ZNF782: variants seen among roughly 807,000 people sequenced by gnomAD.
The protein encoded by ZNF782 is zinc finger protein 782.
A neutral mutation model predicts 13.0 loss-of-function variants in ZNF782; 12 were observed. That is an observed-to-expected ratio of 0.92 (90% confidence interval 0.59 to 1.50). The LOEUF is 1.50. ZNF782 is among the 40% of genes most tolerant of loss of function. The pLI is 0.00. For missense variants in ZNF782, 770 were observed against 822.9 expected (o/e 0.94, Z 0.79); for synonymous variants, 284 against 283.0 (o/e 1.00, Z -0.04).
At chr9:96,886,675 G>T in the ZNF782 span, among the ~76,000 whole-genome samples, 2 of 151,858 alleles carry the variant, frequency 1.3e-5, no homozygotes, top group Non-Finnish European at 2.9e-5. Context: ...GTAATCCCAG[G>T]ACTTTGGGAG....
chr9:96,844,095 A>G (rs988400035), intron 4 of ZNF782, among the ~76,000 whole-genome samples: 3 of 152,242 alleles, frequency 2.0e-5, no homozygotes, highest in Admixed American at 1.3e-4. Context: ...AATTTTCCAA[A>G]TAATGGTAAC....
In ZNF782 at chr9:96,850,333, T is replaced by C. The variant is rs1851452420; in HGVS notation, c.15+1614A>G. ...AATACTACTCAGCCATAAAAAGGAA[T>C]GAAATAATGTCTTTTGCAGCAACTT... On this transcript the variant is annotated intron_variant, in intron 3 of 5. Transcript: ENST00000481138. This position sits in a 1 kb window ranked among gnomAD's most constrained non-coding sequence, Gnocchi z 4.3. Among the ~76,000 whole-genome samples, 1 of 152,172 alleles carries C rather than the reference T, an allele frequency of 6.6e-6. No homozygotes were observed. Among genetic ancestry groups the C allele is most frequent in the Admixed American group, 6.5e-5 (1 of 15,268 alleles).
At chr9:96,872,031 G>T (rs879008445) in intron 1 of ZNF782, among the ~76,000 whole-genome samples, 1 of 152,044 alleles carries the variant, frequency 6.6e-6, no homozygotes, top group African/African-American at 2.4e-5. Flanking sequence ...TTATTATCCC[G>T]CATGTTAACC....
chr9:96,861,800 G>A (rs927893813), intron 1 of ZNF782, among the ~76,000 whole-genome samples: 7 of 152,142 alleles, frequency 4.6e-5, no homozygotes, highest in Admixed American at 3.9e-4. Flanking sequence ...GGTAACCATC[G>A]TACACTGTTA....
At position 96,823,236 on chromosome 9, in the gene ZNF782, C is replaced by T. The variant is rs567370617; in HGVS notation, c.245-3458G>A. ...ATGGCTGTGTTCTAGAAAAATATTT[C>T]CTGACCAAAATAGGCAGCAGGTAGA... On this transcript the variant is annotated intron_variant, in intron 5 of 5. Coordinates refer to ENST00000481138, the MANE Select transcript of ZNF782 (RefSeq NM_001001662.3). Among the ~76,000 whole-genome samples, 654 of 152,298 alleles carry T rather than the reference C, an allele frequency of 4.3e-3. 3 individuals carry two copies. The highest frequency in any genetic ancestry group is 0.01 in the Middle Eastern group (3 of 294).
chr9:96,862,933 A>G (rs1420658945), intron 1 of ZNF782, among the ~76,000 whole-genome samples: 1 of 152,184 alleles, frequency 6.6e-6, no homozygotes, highest in Non-Finnish European at 1.5e-5. Context: ...GTCAGAAAAT[A>G]CACAGGGAAA....
intron 1 of ZNF782, 46 bp downstream of exon 1, chr9:96,854,042 G>T (rs552218980): frequency 4.9e-4 from 75 of 152,304 alleles, no homozygotes; most frequent in African/African-American, 1.6e-3. Flanking sequence ...TCTCATCCAC[G>T]TCCCTACATT....
chr9:96,899,106 A>G, the ZNF782 span, among the ~76,000 whole-genome samples: 1 of 149,838 alleles, frequency 6.7e-6, no homozygotes, highest in African/African-American at 2.5e-5. Context: ...CGAATCATAT[A>G]GTATTTTTCC....
upstream of ZNF782, among the ~76,000 whole-genome samples, chr9:96,876,893 C>G (rs1851898069): frequency 7.9e-6 from 1 of 126,690 alleles, no homozygotes; most frequent in African/African-American, 2.9e-5. Flanking sequence ...GCAGTCCCAG[C>G]TACTCCGGAG....
Position 96,827,088 on chromosome 9 carries a change from T to C in ZNF782, c.236A>G (p.Asn79Ser), listed in dbSNP as rs1395347832. 7.5e-6 allele frequency: 12 copies of C among 1,609,128 alleles called. No individual in the cohort carries two copies. Among genetic ancestry groups the C allele is most frequent in the Non-Finnish European group, 9.3e-6 (11 of 1,177,386 alleles). Residue 79 changes from asparagine (N) to serine (S), a missense_variant, in exon 5 of 6, where the codon AAC becomes AGC. Physicochemically the swap from Asn to Ser is conservative, Grantham distance 46. Transcript: ENST00000481138. ...TGAATTCAGTAACTCACCTGGGGAG[T>C]TCCTGCTTAGAAATCCTTTCTCTTT... ...LEKEKGFLSR[N>S]SPEDSQPDEI... is the part of the protein sequence containing the mutation.
At chr9:96,929,456 G>C in the ZNF782 span, among the ~76,000 whole-genome samples, 1 of 151,534 alleles carries the variant, frequency 6.6e-6, no homozygotes, top group Non-Finnish European at 1.5e-5. Flanking sequence ...ATTTGGACTG[G>C]AGTTTTCTAG....
chr9:96,852,042 C>A (rs1851506322), intron 2 of ZNF782, 37 bp from the exon 3 acceptor site: 7 of 1,407,400 alleles, frequency 5.0e-6, no homozygotes, highest in Non-Finnish European at 7.0e-6. Flanking sequence ...ACGGTCTCGC[C>A]TACCTCACAG....
chr9:96,912,827 T>C, the ZNF782 span, among the ~76,000 whole-genome samples: 1 of 151,424 alleles, frequency 6.6e-6, no homozygotes, highest in Non-Finnish European at 1.5e-5. Context: ...GCGCCCGGCC[T>C]TTTTTTTCCG....
At chr9:96,930,568 CCT>C in the ZNF782 span, among the ~76,000 whole-genome samples, 15 of 148,828 alleles carry the variant, frequency 1.0e-4, no homozygotes, top group East Asian at 7.9e-4. Context: ...AGACACCTCC[CCT>C]GATAGCCCTG....
chr9:96,831,475 C>T (rs1471507546), intron 4 of ZNF782, among the ~76,000 whole-genome samples: 4 of 151,842 alleles, frequency 2.6e-5, no homozygotes, highest in East Asian at 3.9e-4. Context: ...TTTGGGAGGC[C>T]GAGACGGGCG....
chr9:96,854,921 T>TA (rs552945321), upstream of ZNF782, among the ~76,000 whole-genome samples: 45 of 151,886 alleles, frequency 3.0e-4, no homozygotes, highest in East Asian at 4.1e-3. Flanking sequence ...ATTTTTTTTT[T>TA]AAAAAAAGGG....
At chr9:96,856,818 G>A (rs1851648528), upstream of ZNF782, among the ~76,000 whole-genome samples, 1 of 152,216 alleles carries the variant, frequency 6.6e-6, no homozygotes. Flanking sequence ...TGTCTAAGTT[G>A]CAGATGATGT....
At chr9:96,862,467 A>G (rs1409581456) in intron 1 of ZNF782, among the ~76,000 whole-genome samples, 5 of 152,230 alleles carry the variant, frequency 3.3e-5, no homozygotes, top group Non-Finnish European at 7.3e-5. Context: ...CTGTATCAAA[A>G]TATTTTATAT....
intron 4 of ZNF782, among the ~76,000 whole-genome samples, chr9:96,830,448 T>C (rs896592811): frequency 6.6e-6 from 1 of 152,160 alleles, no homozygotes; most frequent in African/African-American, 2.4e-5. Context: ...CAGGGTGTTA[T>C]CAGTGAAGGC....
Sources: allele counts gnomAD v4.1 joint callset (sites outside exome capture counted in the v4.1 genomes callset), GRCh38; gene constraint gnomAD v4.1.1; non-coding constraint Gnocchi (gnomAD v3.1); transcripts MANE v1.5; gene names NCBI Gene and HGNC (gene_info 2026-07-23, HGNC 2026-07-21).